PCDHGA10: variants seen among roughly 807,000 people sequenced by gnomAD.
PCDHGA10 encodes the protein protocadherin gamma subfamily A, 10, also known as protocadherin gamma-A10.
In PCDHGA10, 42 loss-of-function variants were observed where a neutral mutation model predicts 59.5. That is an observed-to-expected ratio of 0.71 (90% CI 0.55 to 0.91). PCDHGA10 has a LOEUF of 0.91. Ranked by LOEUF, PCDHGA10 falls within the 40% of genes least tolerant of loss-of-function variation. PCDHGA10 has a pLI of 0.00. For missense variants in PCDHGA10, 1,111 were observed against 1,198.2 expected (o/e 0.93, Z 1.07); for synonymous variants, 511 against 517.2 (o/e 0.99, Z 0.16).
At chr5:141,433,181 G>T (rs199507607) in intron 1 of PCDHGA10, 45 of 1,607,620 alleles carry the variant, frequency 2.8e-5, no homozygotes, top group Non-Finnish European at 3.4e-5. Context: ...TGGGTTAATT[G>T]AGGTGAGTTT....
intron 1 of PCDHGA10, among the ~76,000 whole-genome samples, chr5:141,469,289 A>G (rs2154570270): frequency 6.6e-6 from 1 of 151,932 alleles, no homozygotes; most frequent in South Asian, 2.1e-4. Flanking sequence ...AAAATAAAAC[A>G]AAATAGACTG....
rs1230384508 is a variant in PCDHGA10 at position 141,490,990 on chromosome 5, C to T, written c.2437-3817C>T. On this transcript the variant is annotated intron_variant, in intron 1 of 3. Coordinates refer to ENST00000398610, the MANE Select transcript of PCDHGA10 (RefSeq NM_018913.3). The surrounding 1 kb of genome is among the most constrained non-coding windows in gnomAD (Gnocchi z 5.4). ...CCCCCAGCGTCTCCCTCGCTCTGCT[C>T]CTCCTGGCTCCTTGGTCACCAAGGT... 6 of 1,614,102 alleles carry T rather than the reference C, an allele frequency of 3.7e-6. No homozygotes were observed. The highest frequency in any genetic ancestry group is 1.3e-5 in the African/African-American group (1 of 75,064).
intron 1 of PCDHGA10, chr5:141,423,265 G>T: frequency 6.2e-7 from 1 of 1,613,666 alleles, no homozygotes; most frequent in Non-Finnish European, 8.5e-7. Flanking sequence ...CGGCAGCCTC[G>T]AGTCTCTGGC....
At position 141,431,353 on chromosome 5, in the gene PCDHGA10, C is replaced by T. The variant is rs1273946805; in HGVS notation, c.2436+15742C>T. 1 of 1,613,940 alleles carries T rather than the reference C, an allele frequency of 6.2e-7. No homozygotes were observed. Among genetic ancestry groups the T allele is most frequent in the Non-Finnish European group, 8.5e-7 (1 of 1,180,042 alleles). On this transcript the variant is annotated intron_variant, in intron 1 of 3. Coordinates refer to ENST00000398610, the MANE Select transcript of PCDHGA10 (RefSeq NM_018913.3). This position sits in a 1 kb window ranked among gnomAD's most constrained non-coding sequence, Gnocchi z 4.8. ...AGTACCCCGAATTGGTGCTGAAACG[C>T]GCCCTGGACCGCGAAGAAAAGGCTG...
rs1031996605 is a variant in PCDHGA10, at chr5:141,487,055, G to C, written c.2437-7752G>C. ...TGCAGTCTCTCGATATGCTGGGGAG[G>C]TGCGGACGGCTGTTCCTATCCCAGC... is the stretch of plus-strand genomic sequence containing the variant. On this transcript the variant is annotated intron_variant, in intron 1 of 3. Transcript: ENST00000398610. The surrounding 1 kb of genome is among the most constrained non-coding windows in gnomAD (Gnocchi z 5.0). The C allele has an allele frequency of 6.2e-7, 1 of 1,614,186 alleles. No individual in the cohort carries two copies. The highest frequency in any genetic ancestry group is 8.5e-7 in the Non-Finnish European group (1 of 1,180,038).
chr5:141,421,991 A>T, intron 1 of PCDHGA10: 1 of 1,608,656 alleles, frequency 6.2e-7, no homozygotes, highest in Non-Finnish European at 8.5e-7. Context: ...GTTCCAGAAA[A>T]CATCAGCTCC....
rs766164142 is a variant in PCDHGA10, at chr5:141,477,910, G to T, written c.2437-16897G>T. ...TGTCACGGGTGGTAGGCTGGGACGC[G>T]GATGCAGGGCACAATGCCTGGCTCT... On this transcript the variant is annotated intron_variant, in intron 1 of 3. Transcript: ENST00000398610. This position sits in a 1 kb window ranked among gnomAD's most constrained non-coding sequence, Gnocchi z 4.9. The T allele has an allele frequency of 6.2e-7, 1 of 1,614,048 alleles. No individual in the cohort carries two copies. Among genetic ancestry groups the T allele is most frequent in the African/African-American group, 1.3e-5 (1 of 74,932 alleles).
intron 1 of PCDHGA10, among the ~76,000 whole-genome samples, chr5:141,438,678 G>C (rs2098050264): frequency 7.1e-6 from 1 of 140,560 alleles, no homozygotes; most frequent in African/African-American, 2.6e-5. Context: ...ATTTGGAGTA[G>C]GGGATGGAGT....
chr5:141,419,699 C>A (rs1488905080), intron 1 of PCDHGA10: 1 of 1,612,924 alleles, frequency 6.2e-7, no homozygotes. Context: ...GGCCAGTGAG[C>A]CCGGGCTCTT....
At chr5:141,446,891 C>A (rs1457416718) in intron 1 of PCDHGA10, among the ~76,000 whole-genome samples, 1 of 152,152 alleles carries the variant, frequency 6.6e-6, no homozygotes, top group Non-Finnish European at 1.5e-5. Context: ...GGGTTCATGG[C>A]TGAGCTACTT....
intron 1 of PCDHGA10, 151 bp downstream of exon 1, chr5:141,415,762 T>TGTTTG: frequency 7.1e-7 from 1 of 1,399,990 alleles, no homozygotes; most frequent in Non-Finnish European, 9.3e-7. Flanking sequence ...TTTTTTTTTT[T>TGTTTG]TTTTTTTTTT....
At chr5:141,461,007 A>G (rs965754689) in intron 1 of PCDHGA10, among the ~76,000 whole-genome samples, 1 of 151,418 alleles carries the variant, frequency 6.6e-6, no homozygotes, top group Non-Finnish European at 1.5e-5. Flanking sequence ...GTGTATATAT[A>G]TATACCACAT....
chr5:141,475,300 T>C (rs1383092136), intron 1 of PCDHGA10, among the ~76,000 whole-genome samples: 3 of 152,332 alleles, frequency 2.0e-5, no homozygotes, highest in South Asian at 2.1e-4. Context: ...AATTTCTTAT[T>C]GCTCCCTGGT....
Position 141,511,186 on chromosome 5 carries a change from G to A in PCDHGA10, c.*13G>A. 1 of 1,613,906 alleles carries A rather than the reference G, an allele frequency of 6.2e-7. No individual in the cohort carries two copies. The highest frequency in any genetic ancestry group is 8.5e-7 in the Non-Finnish European group (1 of 1,179,890). ...GGAGAAGAAGTAACATGGAGGCCAG[G>A]CCAAGAGCCACAGGGCGGCCTCTCC... On this transcript the variant is annotated 3_prime_UTR_variant, in exon 4 of 4. Transcript: ENST00000398610.
chr5:141,434,938 A>G (rs938787407), intron 1 of PCDHGA10, among the ~76,000 whole-genome samples: 2 of 151,738 alleles, frequency 1.3e-5, no homozygotes, highest in Admixed American at 1.3e-4. Flanking sequence ...TATATAATAG[A>G]TATAATTTAT....
At position 141,490,908 on chromosome 5, in the gene PCDHGA10, C is replaced by G; in HGVS notation, c.2437-3899C>G. On this transcript the variant is annotated intron_variant, in intron 1 of 3. Transcript: ENST00000398610. This position sits in a 1 kb window ranked among gnomAD's most constrained non-coding sequence, Gnocchi z 5.4. ...CATCTCTGCATGTGTTTGTCCTAGA[C>G]GAGAATGATAATGCCCCAGCTGTGC... The G allele has an allele frequency of 6.2e-7, 1 of 1,613,710 alleles. No individual in the cohort carries two copies. Among genetic ancestry groups the G allele is most frequent in the Non-Finnish European group, 8.5e-7 (1 of 1,179,754 alleles).
rs551220443 is a variant in PCDHGA10, at chr5:141,432,206, G to A, written c.2436+16595G>A. On this transcript the variant is annotated intron_variant, in intron 1 of 3. Transcript: ENST00000398610. The surrounding 1 kb of genome is among the most constrained non-coding windows in gnomAD (Gnocchi z 6.0). ...GACCGCCCACGACCCCGACTGTGAA[G>A]AGAACGCCCAGATCACTTATTCCCT... The A allele has an allele frequency of 6.2e-7, 1 of 1,614,096 alleles. No individual in the cohort carries two copies. Among genetic ancestry groups the A allele is most frequent in the Non-Finnish European group, 8.5e-7 (1 of 1,180,042 alleles).
In PCDHGA10 at chr5:141,512,264, C is replaced by G. The variant is rs1453959730; in HGVS notation, c.*1091C>G. 6.5e-6 allele frequency: 1 copy of G among 152,684 alleles called. No homozygotes were observed. The highest frequency in any genetic ancestry group is 1.5e-5 in the Non-Finnish European group (1 of 68,096). 9.5% of individuals were successfully genotyped at this position (152,684 alleles called of 1,614,324 possible). ...GGGGCCTCTGTGGGTGCTGGGTACTCCAGAGGTGCCACTGGTGGAAGGGTC... is the reference window on the plus strand; with the variant it reads ...GGGGCCTCTGTGGGTGCTGGGTACTGCAGAGGTGCCACTGGTGGAAGGGTC... On this transcript the variant is annotated 3_prime_UTR_variant, in exon 4 of 4. Transcript: ENST00000398610.
At chr5:141,456,821 A>G (rs1432134342) in intron 1 of PCDHGA10, among the ~76,000 whole-genome samples, 2 of 151,744 alleles carry the variant, frequency 1.3e-5, no homozygotes, top group Admixed American at 6.6e-5. Context: ...AAAATTAGCC[A>G]TCGTGGTAGT....
Sources: allele counts gnomAD v4.1 joint callset (sites outside exome capture counted in the v4.1 genomes callset), GRCh38; gene constraint gnomAD v4.1.1; non-coding constraint Gnocchi (gnomAD v3.1); transcripts MANE v1.5; gene names NCBI Gene and HGNC (gene_info 2026-07-23, HGNC 2026-07-21).